AEN: variants seen among roughly 807,000 people sequenced by gnomAD.
AEN encodes apoptosis enhancing nuclease, also known as apoptosis-enhancing nuclease.
Under a neutral mutation model 17.7 loss-of-function variants are expected in AEN, and 21 were observed. The ratio of observed to expected loss-of-function variants is 1.19; its 90% CI spans 0.84 to 1.71. The LOEUF (loss-of-function observed/expected upper bound fraction) is 1.71. AEN is among the 40% of genes most tolerant of loss of function. The probability of loss-of-function intolerance (pLI) is 0.00; values close to 1 mark genes in which losing one functional copy is unlikely to be tolerated. For synonymous variants in AEN, 190 were observed against 173.0 expected (o/e 1.10, Z -0.77); for missense variants, 462 against 435.9 (o/e 1.06, Z -0.53).
rs1008063022 is a variant in AEN, at chr15:88,630,616, C to T, written c.*322C>T. The T allele has an allele frequency of 2.7e-5, 9 of 336,794 alleles. No homozygotes were observed. The highest frequency in any genetic ancestry group is 1.4e-4 in the South Asian group (4 of 29,624). 20.9% of individuals were successfully genotyped at this position (336,794 alleles called of 1,614,324 possible). On this transcript the variant is annotated 3_prime_UTR_variant, in exon 4 of 4. Coordinates refer to ENST00000332810, the MANE Select transcript of AEN (RefSeq NM_022767.4). The surrounding 1 kb of genome is among the most constrained non-coding windows in gnomAD (Gnocchi z 5.1). Reference sequence around the variant, plus strand: ...TGTGCCAACAGACTGCCCAGGTTGCCGTGGCCTTCCCCACCCCCCAGATCT... The same window carrying T: ...TGTGCCAACAGACTGCCCAGGTTGCTGTGGCCTTCCCCACCCCCCAGATCT...
the AEN span, among the ~76,000 whole-genome samples, chr15:88,614,908 G>C: frequency 1.2e-3 from 179 of 152,158 alleles, 4 homozygotes; most frequent in South Asian, 0.033. Context: ...TGTTTTGTGA[G>C]ATGGAGTCTC....
the AEN span, among the ~76,000 whole-genome samples, chr15:88,615,081 G>T: frequency 1.7e-4 from 26 of 152,102 alleles, 1 homozygote; most frequent in East Asian, 4.8e-3. Context: ...TAGCCAGATG[G>T]TCTCGATCTG....
chr15:88,613,000 C>T, the AEN span, among the ~76,000 whole-genome samples: 1 of 152,178 alleles, frequency 6.6e-6, no homozygotes. Flanking sequence ...GATTAATTTT[C>T]AAGCAACAAA....
chr15:88,630,502 C>T lies in AEN; in HGVS notation c.*208C>T. The T allele has an allele frequency of 1.7e-6, 1 of 574,264 alleles. No homozygotes were observed. Among genetic ancestry groups the T allele is most frequent in the Non-Finnish European group, 3.1e-6 (1 of 320,628 alleles). The allele number at this position is 574,264 out of a possible 1,614,324, so 35.6% of individuals were successfully genotyped here. On this transcript the variant is annotated 3_prime_UTR_variant, in exon 4 of 4. Transcript: ENST00000332810. The surrounding 1 kb of genome is among the most constrained non-coding windows in gnomAD (Gnocchi z 5.1). ...TCTCCAGGGCTGTTGGTTCTTTCTT[C>T]TGACTCCTGTGGTTTTGCTAATGGC...
chr15:88,608,766 G>C, the AEN span, among the ~76,000 whole-genome samples: 1 of 152,242 alleles, frequency 6.6e-6, no homozygotes, highest in Non-Finnish European at 1.5e-5. Flanking sequence ...AAATAGAAAA[G>C]CTGAATGGAT....
the AEN span, among the ~76,000 whole-genome samples, chr15:88,614,992 C>T: frequency 1.3e-3 from 203 of 152,144 alleles, 4 homozygotes; most frequent in South Asian, 0.038. Context: ...GCCTCCCGAA[C>T]AGCTGGGACT....
At chr15:88,626,791 C>T (rs770769138) in intron 2 of AEN, 42 bp downstream of exon 2, 3 of 1,565,072 alleles carry the variant, frequency 1.9e-6, no homozygotes, top group Admixed American at 3.6e-5. Context: ...GTGTGGTGGG[C>T]TGGAAAGAGC....
chr15:88,625,109 G>C (rs886145035), intron 1 of AEN, among the ~76,000 whole-genome samples: 2 of 152,188 alleles, frequency 1.3e-5, no homozygotes, highest in African/African-American at 4.8e-5. Flanking sequence ...CAGTGACGAG[G>C]GCTTAAAGTC....
chr15:88,624,212 CGA>C (rs2057822337), intron 1 of AEN, among the ~76,000 whole-genome samples: 1 of 152,088 alleles, frequency 6.6e-6, no homozygotes, highest in Non-Finnish European at 1.5e-5. Flanking sequence ...AGTGGAGACC[CGA>C]GAGAGCCTCA....
the AEN span, among the ~76,000 whole-genome samples, chr15:88,612,592 T>TTTAC: frequency 6.5e-3 from 953 of 146,606 alleles, 3 homozygotes; most frequent in Middle Eastern, 0.017. Flanking sequence ...TATTTATTTA[T>TTTAC]TTATTTATTT....
intron 1 of AEN, among the ~76,000 whole-genome samples, chr15:88,623,556 T>C (rs2057814192): frequency 6.6e-6 from 1 of 152,220 alleles, no homozygotes; most frequent in African/African-American, 2.4e-5. Flanking sequence ...ACCTGCCTTC[T>C]TACAGCTCTG....
intron 1 of AEN, 41 bp from the exon 2 acceptor site, chr15:88,626,105 C>A: frequency 7.5e-7 from 1 of 1,325,842 alleles, no homozygotes; most frequent in Non-Finnish European, 1.0e-6. Context: ...CTGCCTGGCA[C>A]ACTCTCACCC....
At chr15:88,623,046 C>T (rs1472221477) in intron 1 of AEN, among the ~76,000 whole-genome samples, 1 of 152,198 alleles carries the variant, frequency 6.6e-6, no homozygotes, top group African/African-American at 2.4e-5. Context: ...GCCTCAGCCC[C>T]TCACAGAGAA....
intron 1 of AEN, among the ~76,000 whole-genome samples, chr15:88,623,191 A>C (rs1238783988): frequency 6.6e-6 from 1 of 152,128 alleles, no homozygotes; most frequent in East Asian, 1.9e-4. Context: ...CTAAGATGTG[A>C]CTGTCAATAT....
chr15:88,607,358 C>T, the AEN span, among the ~76,000 whole-genome samples: 1 of 152,254 alleles, frequency 6.6e-6, no homozygotes, highest in African/African-American at 2.4e-5. Context: ...ACCTGTCAGC[C>T]TTGCCCTGCC....
upstream of AEN, among the ~76,000 whole-genome samples, chr15:88,620,563 C>A (rs2057774573): frequency 7.7e-6 from 1 of 130,188 alleles, no homozygotes. Flanking sequence ...TACAGGCTCC[C>A]GTCAACGCCC....
upstream of AEN, among the ~76,000 whole-genome samples, chr15:88,618,051 A>G (rs1002018973): frequency 6.6e-6 from 1 of 151,988 alleles, no homozygotes; most frequent in Non-Finnish European, 1.5e-5. Context: ...TTCTTTCTAG[A>G]CTGGTTTACT....
chr15:88,626,248 G>C lies in AEN; in HGVS notation c.39G>C (p.Leu13=), dbSNP rs764207973. The C allele has an allele frequency of 5.6e-6, 9 of 1,610,834 alleles. No individual in the cohort carries two copies. The highest frequency in any genetic ancestry group is 1.7e-5 in the Admixed American group (1 of 59,842). ...AGGCCCCTGAGTCTGCTCAGTGCCT[G>C]TGCCCTTCCCTCACCATCCCAAATG... ...PREAPESAQC[L]CPSLTIPNAK... Residue 13 remains leucine, a synonymous_variant, in exon 2 of 4, where the codon CTG becomes CTC. Coordinates refer to ENST00000332810, the MANE Select transcript of AEN (RefSeq NM_022767.4).
In AEN at chr15:88,626,070, C is replaced by CAGGG. The variant is rs202107717; in HGVS notation, c.-64-63_-64-60dup. ...CGGGCATCCCCACCGTGGTGCACTG[C>CAGGG]AGGGAGGGAGGGAGGGTGGGTGGGC... On this transcript the variant is annotated intron_variant, in intron 1 of 3. Transcript: ENST00000332810. The CAGGG allele has an allele frequency of 2.5e-5, 22 of 874,186 alleles. No individual in the cohort carries two copies. The East Asian group carries it at 3.5e-4, about 14-fold the overall frequency. The allele number at this position is 874,186 out of a possible 1,614,324, so 54.2% of individuals were successfully genotyped here. A position where few individuals can be genotyped will look rare whatever the true frequency, so the allele number is the denominator to read the frequency against.
Sources: gnomAD v4.1 joint callset for allele counts (sites outside exome capture counted in the v4.1 genomes callset) on GRCh38, gnomAD v4.1.1 for gene constraint, Gnocchi (gnomAD v3.1) non-coding constraint, MANE v1.5 for transcripts, NCBI Gene and HGNC (gene_info 2026-07-23, HGNC 2026-07-21) for gene names.